Variants in OTUD7B observed in about 807,000 individuals in gnomAD.
The protein encoded by OTUD7B is OTU domain-containing protein 7B.
OTUD7B carries 34 observed loss-of-function variants against 82.2 expected under a neutral mutation model. The observed-to-expected ratio is 0.41, with a 90% CI of 0.31 to 0.55. OTUD7B has a LOEUF of 0.55. Ranked by LOEUF, OTUD7B falls within the 20% of genes least tolerant of loss-of-function variation. The pLI is 0.20. For synonymous variants in OTUD7B, 398 were observed against 402.7 expected, an observed-to-expected ratio of 0.99 and a Z score of 0.14; for missense variants, 944 against 1,062.1, an observed-to-expected ratio of 0.89 and a Z score of 1.55.
chr1:149,956,867 C>T (rs1198615276), intron 7 of OTUD7B, among the ~76,000 whole-genome samples: 4 of 152,168 alleles, frequency 2.6e-5, no homozygotes, highest in African/African-American at 9.7e-5. Flanking sequence ...GTTCTTATGC[C>T]ATGGTTTTCA....
chr1:150,060,082 T>C, the OTUD7B span, among the ~76,000 whole-genome samples: 4 of 152,360 alleles, frequency 2.6e-5, no homozygotes, highest in African/African-American at 7.2e-5. Flanking sequence ...AATATTGGCA[T>C]ATAAAAGAGA....
rs782190600 is a variant in OTUD7B, at chr1:149,941,331, T to G, written c.*2526A>C. The G allele has an allele frequency of 2.6e-5, 4 of 152,242 alleles. No homozygotes were observed. The highest frequency in any genetic ancestry group is 5.9e-5 in the Non-Finnish European group (4 of 68,024). 9.4% of individuals were successfully genotyped at this position (152,242 alleles called of 1,614,324 possible). On this transcript the variant is annotated 3_prime_UTR_variant, in exon 12 of 12. Coordinates refer to ENST00000581312, the MANE Select transcript of OTUD7B (RefSeq NM_020205.4). ...ACCCCTGGTCTGTTTTCATTCCTAT[T>G]GGTCCAGGCCACCATTCTATGATAT...
At chr1:150,040,907 G>A in the OTUD7B span, among the ~76,000 whole-genome samples, 109 of 151,814 alleles carry the variant, frequency 7.2e-4, no homozygotes, top group African/African-American at 2.5e-3. Flanking sequence ...ACAGGGTTTC[G>A]CCATGTTGAC....
In OTUD7B at chr1:149,941,596, A is replaced by T. The variant is rs1046877238; in HGVS notation, c.*2261T>A. On this transcript the variant is annotated 3_prime_UTR_variant, in exon 12 of 12. Coordinates refer to ENST00000581312, the MANE Select transcript of OTUD7B (RefSeq NM_020205.4). ...AATACTATTTTAATGCAACATTTTTAAAAAATCACAATTAATGTAAAAAGT... is the reference window on the plus strand; with the variant it reads ...AATACTATTTTAATGCAACATTTTTTAAAAATCACAATTAATGTAAAAAGT... 3 of 152,210 alleles carry T rather than the reference A, an allele frequency of 2.0e-5. No homozygotes were observed. The highest frequency in any genetic ancestry group is 6.5e-5 in the Admixed American group (1 of 15,282). 9.4% of individuals were successfully genotyped at this position (152,210 alleles called of 1,614,324 possible). A position where few individuals can be genotyped will look rare whatever the true frequency, so the allele number is the denominator to read the frequency against.
intron 1 of OTUD7B, among the ~76,000 whole-genome samples, chr1:149,996,385 A>AC (rs1306952422): frequency 3.2e-3 from 484 of 151,272 alleles, no homozygotes; most frequent in African/African-American, 0.011. Context: ...AACAACAACA[A>AC]AAAAAACTGG....
chr1:149,957,730 C>G (rs1559834439), intron 7 of OTUD7B, among the ~76,000 whole-genome samples: 1 of 152,236 alleles, frequency 6.6e-6, no homozygotes, highest in Non-Finnish European at 1.5e-5. Context: ...CAAGCCTCAG[C>G]AATGGCGGAC....
At chr1:150,058,323 A>G in the OTUD7B span, among the ~76,000 whole-genome samples, 1 of 152,132 alleles carries the variant, frequency 6.6e-6, no homozygotes, top group South Asian at 2.1e-4. Context: ...CCTGGGCAAC[A>G]TGGAAAAATC....
At chr1:150,042,415 C>T in the OTUD7B span, among the ~76,000 whole-genome samples, 835 of 151,896 alleles carry the variant, frequency 5.5e-3, 4 homozygotes, top group Non-Finnish European at 7.9e-3. Flanking sequence ...TCAGGTGATC[C>T]GCCCCCGCTC....
At position 149,981,075 on chromosome 1, in the gene OTUD7B, GGGA is replaced by G. The variant is rs782486743; in HGVS notation, c.-66-3502_-66-3500del. 6.5e-4 allele frequency among the ~76,000 whole-genome samples: 97 copies of G among 149,840 alleles called. 1 individual carries two copies. The highest frequency in any genetic ancestry group is 2.3e-3 in the African/African-American group (94 of 40,652). On this transcript the variant is annotated intron_variant, in intron 1 of 11. Transcript: ENST00000581312. ...ACACACAGTTTTTGGCTCTGTCTCA[GGGA>G]GGAGGAGGAGGAGGAAGAGGAGGAG... is the stretch of plus-strand genomic sequence containing the variant.
At chr1:150,017,436 C>A in the OTUD7B span, among the ~76,000 whole-genome samples, 1 of 152,136 alleles carries the variant, frequency 6.6e-6, no homozygotes, top group African/African-American at 2.4e-5. Flanking sequence ...ACAGGCCTAG[C>A]AACAAGTAGG....
At chr1:149,949,537 T>C in intron 9 of OTUD7B, 92 bp downstream of exon 9, 1 of 1,318,372 alleles carries the variant, frequency 7.6e-7, no homozygotes, top group Non-Finnish European at 1.1e-6. Context: ...TGTCTGGGCT[T>C]GCATGTCACT....
At chr1:150,061,579 G>C in the OTUD7B span, among the ~76,000 whole-genome samples, 7 of 151,992 alleles carry the variant, frequency 4.6e-5, no homozygotes, top group Non-Finnish European at 1.0e-4. Flanking sequence ...TTTCATGACC[G>C]CACATAGGAA....
intron 7 of OTUD7B, 57 bp from the exon 8 acceptor site, chr1:149,950,278 A>G: frequency 3.8e-6 from 6 of 1,578,452 alleles, no homozygotes; most frequent in Non-Finnish European, 4.3e-6. Flanking sequence ...AGAGAGTAGA[A>G]ACAGGAGACC....
At chr1:149,994,606 A>AC (rs782787524) in intron 1 of OTUD7B, among the ~76,000 whole-genome samples, 68,397 of 95,976 alleles carry the variant, frequency 0.71, 25,438 homozygotes, top group Middle Eastern at 0.89. Context: ...AAAAAAAAAA[A>AC]CCCAATTTTT....
At chr1:150,065,453 T>A in the OTUD7B span, among the ~76,000 whole-genome samples, 665 of 152,352 alleles carry the variant, frequency 4.4e-3, 2 homozygotes, top group Middle Eastern at 0.034. Context: ...ATTTTTCAAG[T>A]TGAAGATTTT....
chr1:149,966,283 A>G (rs1309179263), intron 4 of OTUD7B, among the ~76,000 whole-genome samples: 2 of 152,192 alleles, frequency 1.3e-5, no homozygotes, highest in East Asian at 3.9e-4. Context: ...CCTGGGTTAA[A>G]TGACGAGGCC....
At position 149,944,613 on chromosome 1, in the gene OTUD7B, C is replaced by T; in HGVS notation, c.1776G>A (p.Val592=). 6.2e-7 allele frequency: 1 copy of T among 1,614,120 alleles called. No homozygotes were observed. The highest frequency in any genetic ancestry group is 2.2e-5 in the East Asian group (1 of 44,886). ...TCCTCAGAATGCTCAGGCTCTGCAT[C>T]ACCTCCTGGCTATACTTGCTCCCTC... is the stretch of plus-strand genomic sequence containing the variant. ...GNGGSKYSQE[V]MQSLSILRTA... Residue 592 remains valine (V), a synonymous_variant, in exon 12 of 12, where the codon GTG becomes GTA. Coordinates refer to ENST00000581312, the MANE Select transcript of OTUD7B (RefSeq NM_020205.4).
At chr1:149,990,416 C>G (rs1022772396) in intron 1 of OTUD7B, among the ~76,000 whole-genome samples, 2 of 152,204 alleles carry the variant, frequency 1.3e-5, no homozygotes, top group East Asian at 3.8e-4. Flanking sequence ...ACTATTCATG[C>G]TAGTCCGTAT....
At chr1:149,997,451 T>C (rs2101917483) in intron 1 of OTUD7B, among the ~76,000 whole-genome samples, 1 of 152,318 alleles carries the variant, frequency 6.6e-6, no homozygotes, top group Admixed American at 6.5e-5. Flanking sequence ...TAAAGCTCTC[T>C]TCCTTTTACT....
Sources: gnomAD v4.1 joint callset for allele counts (sites outside exome capture counted in the v4.1 genomes callset) on GRCh38, gnomAD v4.1.1 for gene constraint, MANE v1.5 for transcripts, NCBI Gene and HGNC (gene_info 2026-07-23, HGNC 2026-07-21) for gene names.